Variants in EXT1 observed in about 807,000 individuals in gnomAD.
EXT1 encodes the protein exostosin glycosyltransferase 1, also known as exostosin-1.
In EXT1, 20 loss-of-function variants were observed where a neutral mutation model predicts 82.5. The ratio of observed to expected loss-of-function variants is 0.24; its 90% CI spans 0.17 to 0.35. The LOEUF is 0.35. Among genes scored for constraint, EXT1 ranks in the 10% least tolerant of loss-of-function variants. The pLI is 1.00. For missense variants in EXT1, 757 were observed against 936.5 expected (o/e 0.81, Z 2.50); for synonymous variants, 348 against 350.8 (o/e 0.99, Z 0.09).
chr8:118,099,818 G>A (rs1011515426), intron 1 of EXT1, among the ~76,000 whole-genome samples: 4 of 152,168 alleles, frequency 2.6e-5, no homozygotes, highest in African/African-American at 4.8e-5. Flanking sequence ...TCAGATATGA[G>A]TTGCTGTTGC....
intron 1 of EXT1, among the ~76,000 whole-genome samples, chr8:117,970,786 A>G (rs952460305): frequency 3.9e-5 from 6 of 152,314 alleles, no homozygotes; most frequent in Admixed American, 2.0e-4. Flanking sequence ...CCGGAATCAC[A>G]CACTAGAGGA....
At chr8:118,068,908 CAAGCCT>C (rs139788224) in intron 1 of EXT1, among the ~76,000 whole-genome samples, 3,704 of 152,130 alleles carry the variant, frequency 0.024, 67 homozygotes, top group Non-Finnish European at 0.039. Flanking sequence ...TTATTCAGTC[CAAGCCT>C]AAGCTGCAAG....
At chr8:117,974,035 C>T (rs541575473) in intron 1 of EXT1, among the ~76,000 whole-genome samples, 1 of 151,628 alleles carries the variant, frequency 6.6e-6, no homozygotes, top group Admixed American at 6.6e-5. Context: ...GGTTTAGTGC[C>T]TTATCAGGAA....
chr8:118,063,587 A>G (rs761826755), intron 1 of EXT1, among the ~76,000 whole-genome samples: 8 of 152,334 alleles, frequency 5.3e-5, no homozygotes, highest in South Asian at 4.1e-4. Flanking sequence ...TAGTCTTGAA[A>G]ATGAATTGCT....
chr8:117,955,816 C>G (rs1399114789), intron 1 of EXT1, among the ~76,000 whole-genome samples: 3 of 152,122 alleles, frequency 2.0e-5, no homozygotes, highest in Non-Finnish European at 4.4e-5. Context: ...CTTAGCCTCC[C>G]CAAGTTCTGT....
chr8:118,095,824 T>G lies in EXT1; in HGVS notation c.962+14261A>C, dbSNP rs1253383225. Among the ~76,000 whole-genome samples, 3 of 152,216 alleles carry G rather than the reference T, an allele frequency of 2.0e-5. No homozygotes were observed. In the East Asian group the frequency reaches 5.8e-4, roughly 29 times the overall value. ...CAAGTCATTGCAATACAGGACACCC[T>G]CTATTTTACCTATGCACCTTGAGTA... is the stretch of plus-strand genomic sequence containing the variant. On this transcript the variant is annotated intron_variant, in intron 1 of 10. Coordinates refer to ENST00000378204, the MANE Select transcript of EXT1 (RefSeq NM_000127.3).
At chr8:117,881,245 T>G (rs1462110048) in intron 1 of EXT1, among the ~76,000 whole-genome samples, 1 of 152,210 alleles carries the variant, frequency 6.6e-6, no homozygotes, top group Non-Finnish European at 1.5e-5. Context: ...ATGTCACCGT[T>G]TAATGGTTGC....
At chr8:117,947,100 T>C (rs964473544) in intron 1 of EXT1, among the ~76,000 whole-genome samples, 3 of 152,170 alleles carry the variant, frequency 2.0e-5, no homozygotes, top group African/African-American at 7.2e-5. Flanking sequence ...ATTTAGGATT[T>C]GAGGCAGAGG....
intron 1 of EXT1, among the ~76,000 whole-genome samples, chr8:117,901,248 T>C (rs1480965665): frequency 2.0e-5 from 3 of 152,230 alleles, no homozygotes; most frequent in African/African-American, 4.8e-5. Flanking sequence ...CTAGAATATA[T>C]GGTGTAGCCT....
chr8:117,805,903 T>C (rs1229158276), intron 9 of EXT1, among the ~76,000 whole-genome samples: 1 of 152,212 alleles, frequency 6.6e-6, no homozygotes, highest in Non-Finnish European at 1.5e-5. Context: ...CCTGAGCTTT[T>C]TCCATATATC....
intron 7 of EXT1, among the ~76,000 whole-genome samples, chr8:117,818,143 C>T (rs113070602): frequency 2.6e-5 from 4 of 152,094 alleles, no homozygotes; most frequent in South Asian, 2.1e-4. Context: ...TAACAGCAAC[C>T]CTACAAGGTA....
chr8:117,860,576 G>C (rs1812664734), intron 1 of EXT1, among the ~76,000 whole-genome samples: 1 of 152,174 alleles, frequency 6.6e-6, no homozygotes, highest in South Asian at 2.1e-4. Flanking sequence ...TCTTTGCCAG[G>C]GACTATCTGC....
intron 1 of EXT1, among the ~76,000 whole-genome samples, chr8:117,849,864 T>C (rs1360523356): frequency 6.6e-6 from 1 of 152,242 alleles, no homozygotes; most frequent in Non-Finnish European, 1.5e-5. Flanking sequence ...TTCTTTTGCC[T>C]TTTCTTTGCG....
intron 1 of EXT1, among the ~76,000 whole-genome samples, chr8:118,095,976 T>C (rs1817603797): frequency 6.6e-6 from 1 of 152,222 alleles, no homozygotes; most frequent in Non-Finnish European, 1.5e-5. Flanking sequence ...GCTTTGCCTT[T>C]TAATTAAATG....
intron 1 of EXT1, among the ~76,000 whole-genome samples, chr8:118,088,923 G>C (rs1034722885): frequency 2.6e-5 from 4 of 152,116 alleles, no homozygotes; most frequent in Admixed American, 1.3e-4. Context: ...CCTTTAACTA[G>C]TCACACTTAC....
At chr8:117,981,928 A>G (rs537393770) in intron 1 of EXT1, among the ~76,000 whole-genome samples, 1 of 152,222 alleles carries the variant, frequency 6.6e-6, no homozygotes, top group Admixed American at 6.5e-5. Flanking sequence ...AGGGAGGGAA[A>G]AAGTACTTTC....
chr8:117,903,662 A>C (rs1364233981), intron 1 of EXT1, among the ~76,000 whole-genome samples: 3 of 152,174 alleles, frequency 2.0e-5, no homozygotes, highest in Non-Finnish European at 4.4e-5. Flanking sequence ...CTTTTTCTTC[A>C]GTCTTGCTTG....
chr8:118,002,213 T>C (rs997799169), intron 1 of EXT1, among the ~76,000 whole-genome samples: 6 of 152,068 alleles, frequency 3.9e-5, no homozygotes, highest in African/African-American at 1.4e-4. Context: ...TAAAAAAACA[T>C]ATATTTAATA....
chr8:118,062,353 T>C (rs1463426490), intron 1 of EXT1, among the ~76,000 whole-genome samples: 1 of 152,224 alleles, frequency 6.6e-6, no homozygotes, highest in Admixed American at 6.5e-5. Context: ...GTGAAGGTGA[T>C]GGGCTTGCAG....
Sources: gnomAD v4.1 joint callset for allele counts (sites outside exome capture counted in the v4.1 genomes callset) on GRCh38, gnomAD v4.1.1 for gene constraint, MANE v1.5 for transcripts, NCBI Gene and HGNC (gene_info 2026-07-23, HGNC 2026-07-21) for gene names.